Variants in SCN2A observed in about 807,000 individuals in gnomAD.
The protein encoded by SCN2A is sodium channel protein type 2 subunit alpha.
In SCN2A, 20 loss-of-function variants were observed where a neutral mutation model predicts 188.7. The observed-to-expected ratio is 0.11, with a 90% CI of 0.07 to 0.15. The LOEUF is 0.15. SCN2A is among the 10% of genes least tolerant of loss of function. The pLI, the probability that SCN2A is intolerant of heterozygous loss-of-function variation, is 1.00. For missense variants in SCN2A, 1,278 were observed against 2,445.0 expected (o/e 0.52, Z 10.07); for synonymous variants, 804 against 833.1 (o/e 0.97, Z 0.60).
intron 1 of SCN2A, among the ~76,000 whole-genome samples, chr2:165,291,035 C>CTTTTTTTTT (rs55979694): frequency 9.6e-4 from 77 of 79,942 alleles, no homozygotes; most frequent in Middle Eastern, 0.011. Flanking sequence ...TCTTTTCTTT[C>CTTTTTTTTT]TTTTTTTTTT....
At chr2:165,247,446 C>T (rs1197755616) in intron 1 of SCN2A, among the ~76,000 whole-genome samples, 1 of 152,136 alleles carries the variant, frequency 6.6e-6, no homozygotes, top group African/African-American at 2.4e-5. Context: ...TGATGACCAC[C>T]CTATTGCCAA....
chr2:165,327,203 G>A (rs993191263), intron 13 of SCN2A: 51 of 520,106 alleles, frequency 9.8e-5, no homozygotes, highest in South Asian at 9.6e-4. Context: ...CAAATGTAAG[G>A]TATATTTTGA....
chr2:165,375,269 A>G (rs1352133671), intron 22 of SCN2A, among the ~76,000 whole-genome samples: 1 of 152,096 alleles, frequency 6.6e-6, no homozygotes, highest in Admixed American at 6.6e-5. Context: ...AACATGTCAA[A>G]GAGATGTCTG....
At position 165,373,292 on chromosome 2, in the gene SCN2A, G is replaced by C; in HGVS notation, c.3917G>C (p.Arg1306Thr). The C allele has an allele frequency of 6.2e-7, 1 of 1,613,466 alleles. No individual in the cohort carries two copies. ...YSELGAIKSL[R>T]TLRALRPLRA... is the part of the protein sequence containing the mutation. ...GAACTTGGTGCCATCAAATCCCTCA[G>C]AACACTAAGAGCTCTGAGGCCACTG... Residue 1306 changes from arginine to threonine, a missense_variant, in exon 21 of 27, where the codon AGA becomes ACA. Coordinates refer to ENST00000375437, the MANE Select transcript of SCN2A (RefSeq NM_001040142.2).
intron 26 of SCN2A, among the ~76,000 whole-genome samples, 154 bp downstream of exon 26, chr2:165,387,170 C>A (rs1701920364): frequency 6.6e-6 from 1 of 152,164 alleles, no homozygotes; most frequent in South Asian, 2.1e-4. Context: ...TTTGCCATTT[C>A]TCTAATTGCA....
intron 15 of SCN2A, among the ~76,000 whole-genome samples, chr2:165,343,284 T>C (rs1699407427): frequency 6.6e-6 from 1 of 152,226 alleles, no homozygotes; most frequent in African/African-American, 2.4e-5. Context: ...AATTTCCCTT[T>C]CTGCTTTCAA....
rs116398295 is a variant in SCN2A at position 165,361,086 on chromosome 2, G to C, written c.3400-4057G>C. ...GCTTTTACACATTTTAACTGCTTTA[G>C]TCAACATATTTTATAATATTATGAC... On this transcript the variant is annotated intron_variant, in intron 17 of 26. Coordinates refer to ENST00000375437, the MANE Select transcript of SCN2A (RefSeq NM_001040142.2). Among the ~76,000 whole-genome samples, 986 of 151,848 alleles carry C rather than the reference G, an allele frequency of 6.5e-3. 12 individuals carry two copies. Among genetic ancestry groups the C allele is most frequent in the African/African-American group, 0.021 (875 of 41,458 alleles).
In SCN2A at chr2:165,370,291, A is replaced by G; in HGVS notation, c.3841A>G (p.Ile1281Val). ...TNAWCWLDFL[I>V]VDVSLVSLTA... ...TGCCTGGTGCTGGCTAGACTTCCTG[A>G]TTGTTGATGTGAGTATGCTGCACTT... Residue 1281 changes from isoleucine (I) to valine (V), a missense_variant, in exon 20 of 27, where the codon ATT becomes GTT. By Grantham distance (29) the Ile-to-Val change is conservative (BLOSUM62 3). This residue lies in a region of SCN2A where 39 missense variants were observed against 130.2 expected (regional missense o/e 0.30). Coordinates refer to ENST00000375437, the MANE Select transcript of SCN2A (RefSeq NM_001040142.2). 1 of 1,614,022 alleles carries G rather than the reference A, an allele frequency of 6.2e-7. No homozygotes were observed. The highest frequency in any genetic ancestry group is 8.5e-7 in the Non-Finnish European group (1 of 1,179,982).
At chr2:165,292,235 C>T (rs1696251876) in intron 1 of SCN2A, among the ~76,000 whole-genome samples, 1 of 152,254 alleles carries the variant, frequency 6.6e-6, no homozygotes, top group African/African-American at 2.4e-5. Flanking sequence ...TTTTCTCTTA[C>T]AATCAAAAGT....
intron 23 of SCN2A, 43 bp from the exon 24 acceptor site, chr2:165,380,549 A>G: frequency 1.4e-6 from 2 of 1,448,440 alleles, no homozygotes; most frequent in South Asian, 2.4e-5. Context: ...TTTTTGTGAA[A>G]CAAGTACTAG....
chr2:165,373,420 T>A lies in SCN2A; in HGVS notation c.3972+73T>A, dbSNP rs2304014. The stretch of plus-strand genomic sequence containing the variant: ...ACTGACACTTTGTACCATGGAAATG[T>A]CAAATTTATGGAGAATTTGTGTCTT... On this transcript the variant is annotated intron_variant, in intron 21 of 26. Transcript: ENST00000375437. 0.16 allele frequency: 241,762 copies of A among 1,543,230 alleles called. 19,966 individuals carry two copies. Among genetic ancestry groups the A allele is most frequent in the African/African-American group, 0.23 (16,757 of 73,260 alleles).
chr2:165,369,784 G>A (rs1291522333), intron 19 of SCN2A, among the ~76,000 whole-genome samples: 1 of 152,300 alleles, frequency 6.6e-6, no homozygotes, highest in East Asian at 1.9e-4. Flanking sequence ...ACTAGAGGAT[G>A]CATTCCATTG....
intron 16 of SCN2A, among the ~76,000 whole-genome samples, chr2:165,350,499 G>T (rs1699842425): frequency 3.2e-5 from 3 of 92,452 alleles, no homozygotes; most frequent in African/African-American, 4.8e-5. Flanking sequence ...TTGAGACGGA[G>T]TCTCGCTCTG....
At chr2:165,322,724 C>A (rs1037627609) in intron 11 of SCN2A, among the ~76,000 whole-genome samples, 8 of 152,186 alleles carry the variant, frequency 5.3e-5, no homozygotes, top group African/African-American at 1.9e-4. Flanking sequence ...CGAGCTCTTA[C>A]TGGCTACATT....
chr2:165,328,462 G>A, intron 13 of SCN2A: 1 of 985,670 alleles, frequency 1.0e-6, no homozygotes, highest in South Asian at 4.7e-5. Flanking sequence ...ACCACTGAGA[G>A]GAAGCTGCCA....
chr2:165,294,220 GA>G (rs1211774711), intron 1 of SCN2A: 1 of 574,152 alleles, frequency 1.7e-6, no homozygotes, highest in Non-Finnish European at 2.2e-6. Flanking sequence ...GAAATCTGCA[GA>G]GGGACCACTT....
chr2:165,305,315 G>T (rs1697058193), intron 3 of SCN2A, among the ~76,000 whole-genome samples: 1 of 152,200 alleles, frequency 6.6e-6, no homozygotes, highest in Admixed American at 6.5e-5. Context: ...AATTTGAAGT[G>T]TTGATAAGAT....
chr2:165,311,550 C>T (rs1422468622), intron 7 of SCN2A, among the ~76,000 whole-genome samples: 2 of 152,100 alleles, frequency 1.3e-5, no homozygotes, highest in Non-Finnish European at 2.9e-5. Context: ...CCTAATCCCA[C>T]TTCTCACAGG....
At chr2:165,266,841 T>C (rs1694888016) in intron 1 of SCN2A, 1 of 152,044 alleles carries the variant, frequency 6.6e-6, no homozygotes, top group African/African-American at 2.4e-5. Flanking sequence ...AAAGTCAACA[T>C]ACAAAAATCA....
Sources: allele counts gnomAD v4.1 joint callset (sites outside exome capture counted in the v4.1 genomes callset), GRCh38; gene constraint gnomAD v4.1.1; regional missense constraint gnomAD v4.1.1; transcripts MANE v1.5; gene names NCBI Gene and HGNC (gene_info 2026-07-23, HGNC 2026-07-21).